The following RAB11FIP4 variants were observed in gnomAD, a reference collection of about 807,000 sequenced individuals.
RAB11FIP4 encodes the protein rab11 family-interacting protein 4.
A neutral mutation model predicts 74.3 loss-of-function variants in RAB11FIP4; 23 were observed. The ratio of observed to expected loss-of-function variants is 0.31; its 90% confidence interval spans 0.22 to 0.44. The LOEUF is 0.44. Among genes scored for constraint, RAB11FIP4 ranks in the 20% least tolerant of loss-of-function variants. The pLI is 1.00. For missense variants in RAB11FIP4, 630 were observed against 863.9 expected (o/e 0.73, Z 3.39); for synonymous variants, 360 against 359.9 (o/e 1.00, Z 0.00).
intron 8 of RAB11FIP4, 78 bp from the exon 9 acceptor site, chr17:31,523,815 A>G (rs1350349738): frequency 1.7e-6 from 2 of 1,169,492 alleles, no homozygotes; most frequent in Non-Finnish European, 2.5e-6. Context: ...GGTCCTGCTC[A>G]TGAACCTCAT....
chr17:31,477,740 G>C (rs1317846436), intron 3 of RAB11FIP4, among the ~76,000 whole-genome samples: 1 of 152,308 alleles, frequency 6.6e-6, no homozygotes, highest in Middle Eastern at 3.4e-3. Flanking sequence ...ACAAAACCGA[G>C]CCTCTCTTTT....
chr17:31,404,389 G>A (rs1030042142), intron 1 of RAB11FIP4, among the ~76,000 whole-genome samples: 1 of 152,246 alleles, frequency 6.6e-6, no homozygotes, highest in Non-Finnish European at 1.5e-5. Context: ...CCCTGGGGAA[G>A]TGACTGGGAG....
At position 31,517,845 on chromosome 17, in the gene RAB11FIP4, G is replaced by A. The variant is rs527972100; in HGVS notation, c.531G>A (p.Gly177=). ...GSVGSPAEKD[G]GLGGLFLPED... ...TCGGGAGTCCTGCCGAGAAGGACGG[G>A]GGACTTGGGGGCCTGTTTCTGCCAG... The change falls in exon 4 of 15, where the codon GGG becomes GGA. Residue 177 remains glycine, a synonymous_variant. Transcript: ENST00000621161. The A allele has an allele frequency of 2.1e-5, 33 of 1,551,684 alleles. No homozygotes were observed. In the South Asian group the frequency reaches 3.7e-4, roughly 17 times the overall value.
intron 13 of RAB11FIP4, among the ~76,000 whole-genome samples, chr17:31,529,009 G>C (rs569779843): frequency 8.8e-4 from 134 of 152,264 alleles, no homozygotes; most frequent in African/African-American, 3.0e-3. Flanking sequence ...TTGGTGCTCA[G>C]GGTGGAGGAT....
intron 1 of RAB11FIP4, 36 bp from the exon 2 acceptor site, chr17:31,431,777 G>T: frequency 7.7e-7 from 1 of 1,298,846 alleles, no homozygotes; most frequent in East Asian, 2.8e-5. Flanking sequence ...GGAGATCCTT[G>T]GGTGTCTCAC....
chr17:31,522,472 C>G, intron 7 of RAB11FIP4, 77 bp downstream of exon 7: 1 of 1,439,958 alleles, frequency 6.9e-7, no homozygotes, highest in Middle Eastern at 1.8e-4. Flanking sequence ...CTGCCAGCAG[C>G]CCGGACTCAG....
intron 4 of RAB11FIP4, among the ~76,000 whole-genome samples, chr17:31,519,348 C>A (rs1271546566): frequency 6.6e-6 from 1 of 152,146 alleles, no homozygotes; most frequent in Non-Finnish European, 1.5e-5. Context: ...ATCTACTCTG[C>A]TATATTTTCT....
intron 3 of RAB11FIP4, among the ~76,000 whole-genome samples, chr17:31,484,071 CTTT>C (rs530656307): frequency 7.8e-5 from 9 of 115,816 alleles, no homozygotes; most frequent in African/African-American, 1.0e-4. Flanking sequence ...AAGATCTTAT[CTTT>C]TTTTTTTTTT....
chr17:31,408,983 C>G (rs1025618663), intron 1 of RAB11FIP4, among the ~76,000 whole-genome samples: 2 of 152,200 alleles, frequency 1.3e-5, no homozygotes, highest in South Asian at 4.1e-4. Flanking sequence ...AAACCAAGTC[C>G]CAGGCAGCAG....
chr17:31,392,622 C>T (rs1334151071), intron 1 of RAB11FIP4: 1 of 152,270 alleles, frequency 6.6e-6, no homozygotes, highest in Admixed American at 6.5e-5. Context: ...AAGCCAGGCT[C>T]GGGGAGTGGT....
intron 3 of RAB11FIP4, among the ~76,000 whole-genome samples, chr17:31,504,367 AT>A (rs2072278402): frequency 6.6e-6 from 1 of 151,664 alleles, no homozygotes; most frequent in Non-Finnish European, 1.5e-5. Context: ...TCCTGACCTC[AT>A]GATCCGCTTG....
chr17:31,491,875 C>T (rs75020074), intron 3 of RAB11FIP4, among the ~76,000 whole-genome samples: 4,145 of 152,324 alleles, frequency 0.027, 139 homozygotes, highest in African/African-American at 0.075. Flanking sequence ...ACTGCTGCCA[C>T]AGACTTCCCT....
intron 10 of RAB11FIP4, chr17:31,527,116 G>A (rs2072779698): frequency 6.6e-6 from 1 of 152,270 alleles, no homozygotes; most frequent in Non-Finnish European, 1.5e-5. Context: ...GATGCTGTTG[G>A]CGGAGAATGA....
chr17:31,435,108 C>T (rs182827883), intron 3 of RAB11FIP4, among the ~76,000 whole-genome samples: 2 of 152,282 alleles, frequency 1.3e-5, no homozygotes, highest in African/African-American at 4.8e-5. Context: ...AGCACTTGAG[C>T]CCAGTAGTTT....
intron 3 of RAB11FIP4, among the ~76,000 whole-genome samples, chr17:31,514,294 G>A (rs1414070630): frequency 6.6e-6 from 1 of 152,250 alleles, no homozygotes; most frequent in Non-Finnish European, 1.5e-5. Flanking sequence ...GTGGGGCAGT[G>A]CCCGGCACAC....
intron 6 of RAB11FIP4, 138 bp downstream of exon 6, chr17:31,522,187 T>C: frequency 2.3e-6 from 3 of 1,323,556 alleles, no homozygotes; most frequent in Non-Finnish European, 3.2e-6. Context: ...ATCCAGGGGC[T>C]TTTTCTGCCA....
intron 3 of RAB11FIP4, among the ~76,000 whole-genome samples, chr17:31,490,959 T>G (rs1425372109): frequency 6.6e-6 from 1 of 152,242 alleles, no homozygotes; most frequent in Non-Finnish European, 1.5e-5. Flanking sequence ...GACTCTGTCT[T>G]CCTCTGGGTC....
Position 31,441,552 on chromosome 17 carries a change from G to C in RAB11FIP4, c.336+7430G>C, listed in dbSNP as rs111368222. Among the ~76,000 whole-genome samples the C allele has an allele frequency of 2.7e-3, 399 of 148,736 alleles. 3 individuals are homozygous for C. The highest frequency in any genetic ancestry group is 9.0e-3 in the African/African-American group (361 of 40,230). ...TTTATTTATTTATTTATTGAAACAG[G>C]GTCTTGCTCTTATTGCCCAGGCTGG... On this transcript the variant is annotated intron_variant, in intron 3 of 14. Transcript: ENST00000621161.
At chr17:31,475,625 T>C (rs1276276189) in intron 3 of RAB11FIP4, among the ~76,000 whole-genome samples, 1 of 152,186 alleles carries the variant, frequency 6.6e-6, no homozygotes, top group Non-Finnish European at 1.5e-5. Flanking sequence ...CGCAGAGCCT[T>C]TGTGATCATT....
Sources: gnomAD v4.1 joint callset for allele counts (sites outside exome capture counted in the v4.1 genomes callset) on GRCh38, gnomAD v4.1.1 for gene constraint, MANE v1.5 for transcripts, NCBI Gene and HGNC (gene_info 2026-07-23, HGNC 2026-07-21) for gene names.